The following NECTIN3 variants were observed in gnomAD, a reference collection of about 807,000 sequenced individuals.
The protein encoded by NECTIN3 is nectin cell adhesion molecule 3.
Under a neutral mutation model 49.4 loss-of-function variants are expected in NECTIN3, and 8 were observed. That is an observed-to-expected ratio of 0.16 (90% CI 0.10 to 0.29). The LOEUF is 0.29. Ranked by LOEUF, NECTIN3 falls within the 10% of genes least tolerant of loss-of-function variation. The probability of loss-of-function intolerance (pLI) is 1.00; values close to 1 mark genes in which losing one functional copy is unlikely to be tolerated. For synonymous variants in NECTIN3, 277 were observed against 241.1 expected (o/e 1.15, Z -1.38); for missense variants, 581 against 654.6 (o/e 0.89, Z 1.23).
In NECTIN3 at chr3:111,092,754, AATTTT is replaced by A. The variant is rs755319354; in HGVS notation, c.161-19265_161-19261del. On this transcript the variant is annotated intron_variant, in intron 1 of 5. Coordinates refer to ENST00000485303, the MANE Select transcript of NECTIN3 (RefSeq NM_015480.3). ...TGAAATTGGGCAGTGTTAGTCCTCC[AATTTT>A]ATTTTATTTTTCAAGTTTGGTTATT... is the stretch of plus-strand genomic sequence containing the variant. Among the ~76,000 whole-genome samples, 62 of 152,144 alleles carry A rather than the reference AATTTT, an allele frequency of 4.1e-4. 1 individual carries two copies. The highest frequency in any genetic ancestry group is 1.6e-4 in the Non-Finnish European group (11 of 68,026).
At chr3:111,164,853 A>G (rs997453379) in intron 7 of NECTIN3, among the ~76,000 whole-genome samples, 7 of 152,166 alleles carry the variant, frequency 4.6e-5, no homozygotes, top group Non-Finnish European at 8.8e-5. Flanking sequence ...TAGAATTTAG[A>G]CATAACTTTT....
intron 1 of NECTIN3, among the ~76,000 whole-genome samples, chr3:111,100,312 C>CA (rs1243807079): frequency 6.6e-6 from 1 of 152,078 alleles, no homozygotes; most frequent in African/African-American, 2.4e-5. Context: ...AAGATATTTA[C>CA]AAGTTCACAA....
At chr3:111,167,748 A>G (rs1190376372) in intron 7 of NECTIN3, among the ~76,000 whole-genome samples, 2 of 152,256 alleles carry the variant, frequency 1.3e-5, no homozygotes, top group South Asian at 2.1e-4. Flanking sequence ...TATAAACTTT[A>G]TATACACATC....
intron 5 of NECTIN3, chr3:111,144,820 G>C (rs1259626508): frequency 7.0e-7 from 1 of 1,420,060 alleles, no homozygotes. Flanking sequence ...CAAATAGTTT[G>C]CACATTGTAG....
intron 1 of NECTIN3, among the ~76,000 whole-genome samples, chr3:111,092,170 C>CT (rs2032309060): frequency 6.6e-6 from 1 of 152,082 alleles, no homozygotes; most frequent in Non-Finnish European, 1.5e-5. Context: ...GTAAGAGGTT[C>CT]CCCCCACCCC....
chr3:111,111,375 G>T (rs1291634854), intron 1 of NECTIN3, among the ~76,000 whole-genome samples: 1 of 151,978 alleles, frequency 6.6e-6, no homozygotes, highest in East Asian at 1.9e-4. Context: ...ATTTATATAA[G>T]CATTTCTTCA....
At chr3:111,115,063 G>A (rs79107159) in intron 2 of NECTIN3, among the ~76,000 whole-genome samples, 2,090 of 152,238 alleles carry the variant, frequency 0.014, 31 homozygotes, top group Middle Eastern at 0.044. Flanking sequence ...CTTTGTTGTA[G>A]TGAGCTGTAC....
chr3:111,135,779 T>C lies in NECTIN3; in HGVS notation c.*1564T>C. The C allele has an allele frequency of 1.0e-6, 1 of 956,724 alleles. No individual in the cohort carries two copies. The highest frequency in any genetic ancestry group is 1.2e-4 in the East Asian group (1 of 8,660). 59.3% of individuals were successfully genotyped at this position (956,724 alleles called of 1,614,324 possible). A position where few individuals can be genotyped will look rare whatever the true frequency, so the allele number is the denominator to read the frequency against. On this transcript the variant is annotated 3_prime_UTR_variant, in exon 6 of 6. Transcript: ENST00000485303. Reference sequence around the variant, plus strand: ...TAACATGTTCATGGTATCTTGCAAATAGTGAAAGCTTTATTCTGAAGGATT... The same window carrying C: ...TAACATGTTCATGGTATCTTGCAAACAGTGAAAGCTTTATTCTGAAGGATT...
At chr3:111,167,710 T>G (rs1028241203) in intron 7 of NECTIN3, among the ~76,000 whole-genome samples, 5 of 152,150 alleles carry the variant, frequency 3.3e-5, no homozygotes, top group African/African-American at 1.2e-4. Context: ...TGGTCTCCTT[T>G]GCTGGTGGTA....
In NECTIN3 at chr3:111,099,974, C is replaced by G. The variant is rs180873931; in HGVS notation, c.161-12056C>G. ...TAGTCTTGTTTTATAGGTGATAAAA[C>G]AGCTCAAGGACCCAGAGTCACACTG... On this transcript the variant is annotated intron_variant, in intron 1 of 5. Coordinates refer to ENST00000485303, the MANE Select transcript of NECTIN3 (RefSeq NM_015480.3). Among the ~76,000 whole-genome samples the G allele has an allele frequency of 2.7e-4, 41 of 152,240 alleles. No individual in the cohort carries two copies. The East Asian group carries it at 6.0e-3, about 22-fold the overall frequency.
At chr3:111,104,289 A>G (rs894630730) in intron 1 of NECTIN3, among the ~76,000 whole-genome samples, 2 of 128,714 alleles carry the variant, frequency 1.6e-5, no homozygotes, top group Admixed American at 1.5e-4. Context: ...TTGTTAATGT[A>G]TCTTTGGTGA....
intron 1 of NECTIN3, among the ~76,000 whole-genome samples, chr3:111,082,790 A>G (rs2031697341): frequency 6.6e-6 from 1 of 152,218 alleles, no homozygotes; most frequent in African/African-American, 2.4e-5. Flanking sequence ...AAATAATTAT[A>G]CAATTCACCA....
At chr3:111,143,914 T>C (rs376760457) in intron 5 of NECTIN3, among the ~76,000 whole-genome samples, 21 of 152,042 alleles carry the variant, frequency 1.4e-4, no homozygotes, top group African/African-American at 5.1e-4. Flanking sequence ...AGTATCTTTT[T>C]TTATTGGTAA....
At chr3:111,185,670 G>T (rs1215621675) in intron 7 of NECTIN3, among the ~76,000 whole-genome samples, 1 of 152,130 alleles carries the variant, frequency 6.6e-6, no homozygotes, top group African/African-American at 2.4e-5. Context: ...AAAGGAAGAA[G>T]TAAGAAGGTC....
rs2034565396 is a variant in NECTIN3 at position 111,136,080 on chromosome 3, T to C, written c.*1865T>C. On this transcript the variant is annotated 3_prime_UTR_variant, in exon 6 of 6. Transcript: ENST00000485303. ...GTGACTTTATTTTTAATTTAAACGA[T>C]GAGGTGGCCAGAAGAAAGATGGGTC... 1.1e-6 allele frequency: 1 copy of C among 920,662 alleles called. No individual in the cohort carries two copies. Among genetic ancestry groups the C allele is most frequent in the Non-Finnish European group, 1.3e-6 (1 of 775,142 alleles). The allele number at this position is 920,662 out of a possible 1,614,324, so 57.0% of individuals were successfully genotyped here.
chr3:111,177,114 A>G (rs1048119817), intron 7 of NECTIN3, among the ~76,000 whole-genome samples: 8 of 152,206 alleles, frequency 5.3e-5, no homozygotes, highest in South Asian at 2.1e-4. Context: ...TTAAGGGTCA[A>G]CAGTTAGCTT....
chr3:111,084,559 T>G (rs1462028787), intron 1 of NECTIN3, among the ~76,000 whole-genome samples: 1 of 152,180 alleles, frequency 6.6e-6, no homozygotes, highest in East Asian at 1.9e-4. Flanking sequence ...GACTGAGTGC[T>G]TTTTAAATGT....
chr3:111,072,526 G>A, intron 1 of NECTIN3: 2 of 1,535,906 alleles, frequency 1.3e-6, no homozygotes, highest in South Asian at 1.2e-5. Flanking sequence ...TTAAGGTGCC[G>A]GGATGCACGT....
chr3:111,174,562 G>C (rs755187843), intron 7 of NECTIN3, among the ~76,000 whole-genome samples: 8 of 152,128 alleles, frequency 5.3e-5, no homozygotes, highest in Non-Finnish European at 8.8e-5. Context: ...TTGTGGACTT[G>C]TAGTGATTTA....
Sources: gnomAD v4.1 joint callset for allele counts (sites outside exome capture counted in the v4.1 genomes callset) on GRCh38, gnomAD v4.1.1 for gene constraint, MANE v1.5 for transcripts, NCBI Gene and HGNC (gene_info 2026-07-23, HGNC 2026-07-21) for gene names.